INTU: variants seen among roughly 807,000 people sequenced by gnomAD.
INTU encodes protein inturned.
Under a neutral mutation model 100.5 loss-of-function variants are expected in INTU, and 68 were observed. The observed-to-expected ratio is 0.68, with a 90% CI of 0.56 to 0.83. The LOEUF (loss-of-function observed/expected upper bound fraction) is 0.83. Among genes scored for constraint, INTU ranks in the 40% least tolerant of loss-of-function variants. The pLI is 0.00. For synonymous variants in INTU, 357 were observed against 395.7 expected (o/e 0.90, Z 1.16); for missense variants, 1,071 against 1,114.7 (o/e 0.96, Z 0.56).
rs765708018 is a variant in INTU at position 127,663,601 on chromosome 4, G to A, written c.972+17G>A. On this transcript the variant is annotated intron_variant, in intron 4 of 15. Coordinates refer to ENST00000335251, the MANE Select transcript of INTU (RefSeq NM_015693.4). The stretch of plus-strand genomic sequence containing the variant: ...AAGGAAGAGGTGAGTGTCCTCAAAA[G>A]TCCAAAGGAAATAAGTTTAGTCAAA... 15 of 1,605,618 alleles carry A rather than the reference G, an allele frequency of 9.3e-6. No individual in the cohort carries two copies. The highest frequency in any genetic ancestry group is 9.4e-6 in the Non-Finnish European group (11 of 1,174,292).
Position 127,720,486 on chromosome 4 carries a change from T to C in INTU, c.*4050T>C, listed in dbSNP as rs972479469. Reference sequence around the variant, plus strand: ...TTGGGGGTGGAAAGATGTCTAGATATTTATCAGGTCCCACTTGATCCAGAG... The same window carrying C: ...TTGGGGGTGGAAAGATGTCTAGATACTTATCAGGTCCCACTTGATCCAGAG... On this transcript the variant is annotated 3_prime_UTR_variant, in exon 16 of 16. Transcript: ENST00000335251. 15 of 152,174 alleles carry C rather than the reference T, an allele frequency of 9.9e-5. No homozygotes were observed. The highest frequency in any genetic ancestry group is 9.8e-4 in the Admixed American group (15 of 15,280). The allele number at this position is 152,174 out of a possible 1,614,324, so 9.4% of individuals were successfully genotyped here. A position where few individuals can be genotyped will look rare whatever the true frequency, so the allele number is the denominator to read the frequency against.
rs1731321168 is a variant in INTU, at chr4:127,719,886, G to A, written c.*3450G>A. ...TTCTTCTCTCTTTTCTTCTTTATTAGTCTAGCTAATAGTCTATTTTGTTAA... is the reference window on the plus strand; with the variant it reads ...TTCTTCTCTCTTTTCTTCTTTATTAATCTAGCTAATAGTCTATTTTGTTAA... On this transcript the variant is annotated 3_prime_UTR_variant, in exon 16 of 16. Transcript: ENST00000335251. The A allele has an allele frequency of 2.0e-5, 3 of 150,828 alleles. No individual in the cohort carries two copies. Among genetic ancestry groups the A allele is most frequent in the African/African-American group, 7.3e-5 (3 of 40,942 alleles). The allele number at this position is 150,828 out of a possible 1,614,324, so 9.3% of individuals were successfully genotyped here.
rs761432234 is a variant in INTU, at chr4:127,714,075, T to C, written c.2699T>C (p.Met900Thr). Residue 900 changes from methionine to threonine, a missense_variant, in exon 15 of 16, where the codon ATG becomes ACG. Transcript: ENST00000335251. ...WTDQKKAPPV[M>T]AYWVVGRLFL... ...GATCAGAAAAAAGCACCACCAGTTA[T>C]GGCTTACTGGGTAGTAGGGTAAGTG... 72 of 1,613,074 alleles carry C rather than the reference T, an allele frequency of 4.5e-5. No individual in the cohort carries two copies. Among genetic ancestry groups the C allele is most frequent in the South Asian group, 5.5e-5 (5 of 90,886 alleles).
At chr4:127,674,097 C>A in intron 5 of INTU, 27 bp from the exon 6 acceptor site, 1 of 1,454,234 alleles carries the variant, frequency 6.9e-7, no homozygotes, top group Non-Finnish European at 9.6e-7. Flanking sequence ...GGTATTCTAA[C>A]CTTATTTTGA....
intron 11 of INTU, 126 bp downstream of exon 11, chr4:127,705,938 A>G: frequency 1.5e-6 from 1 of 670,364 alleles, no homozygotes; most frequent in Non-Finnish European, 2.6e-6. Context: ...ATACACAAAC[A>G]TGCTCATGTA....
intron 6 of INTU, among the ~76,000 whole-genome samples, chr4:127,682,936 C>T (rs1251538769): frequency 6.6e-6 from 1 of 152,030 alleles, no homozygotes; most frequent in Admixed American, 6.6e-5. Context: ...ATAAAGGTAG[C>T]ATAGGCAGTT....
At chr4:127,636,140 T>C (rs7664217) in intron 1 of INTU, among the ~76,000 whole-genome samples, 84,961 of 151,808 alleles carry the variant, frequency 0.56, 24,211 homozygotes, top group South Asian at 0.69. Flanking sequence ...CATGATGGTA[T>C]GTGCCTATAG....
chr4:127,707,249 G>T (rs751663878), intron 12 of INTU, among the ~76,000 whole-genome samples: 6 of 151,828 alleles, frequency 4.0e-5, no homozygotes, highest in Non-Finnish European at 7.4e-5. Flanking sequence ...AGGCACGTTG[G>T]TGCACACCTG....
intron 9 of INTU, among the ~76,000 whole-genome samples, chr4:127,702,911 T>C (rs1418333226): frequency 6.6e-6 from 1 of 152,122 alleles, no homozygotes; most frequent in Non-Finnish European, 1.5e-5. Flanking sequence ...CTAATGCTGC[T>C]CTGGTTGCTC....
intron 4 of INTU, among the ~76,000 whole-genome samples, chr4:127,663,975 T>C (rs543303803): frequency 8.5e-5 from 13 of 152,052 alleles, no homozygotes; most frequent in Non-Finnish European, 7.4e-5. Context: ...GACAAATATA[T>C]TACACTTTTA....
At chr4:127,654,214 C>G (rs955314223) in intron 2 of INTU, among the ~76,000 whole-genome samples, 17 of 151,774 alleles carry the variant, frequency 1.1e-4, no homozygotes, top group African/African-American at 3.2e-4. Context: ...AGCATTTAGT[C>G]CATTTACATT....
At chr4:127,655,658 G>A (rs1284523861) in intron 2 of INTU, among the ~76,000 whole-genome samples, 4 of 150,924 alleles carry the variant, frequency 2.7e-5, no homozygotes, top group African/African-American at 7.3e-5. Flanking sequence ...AGTCTGCAGA[G>A]GTTACTGCTG....
chr4:127,666,509 G>C (rs1439219040), intron 4 of INTU, among the ~76,000 whole-genome samples: 1 of 152,114 alleles, frequency 6.6e-6, no homozygotes, highest in African/African-American at 2.4e-5. Context: ...TCTAGGCTCA[G>C]CTCACCTACC....
chr4:127,664,101 A>G (rs939527689), intron 4 of INTU, among the ~76,000 whole-genome samples: 2 of 152,052 alleles, frequency 1.3e-5, no homozygotes, highest in African/African-American at 4.8e-5. Context: ...AGGGGGATGT[A>G]GCATTAACTT....
At chr4:127,697,949 C>T (rs780875016) in intron 8 of INTU, among the ~76,000 whole-genome samples, 1 of 151,970 alleles carries the variant, frequency 6.6e-6, no homozygotes, top group Non-Finnish European at 1.5e-5. Context: ...GGAGAAACCC[C>T]GTCTCTACTA....
At chr4:127,668,987 G>T (rs1474753380) in intron 4 of INTU, 49 bp from the exon 5 acceptor site, 3 of 837,674 alleles carry the variant, frequency 3.6e-6, no homozygotes. Flanking sequence ...CCCTGACAAA[G>T]ATAATGGTTG....
Position 127,710,895 on chromosome 4 carries a change from A to AT in INTU, c.2370-10dup, listed in dbSNP as rs748260141. On this transcript the variant is annotated splice_polypyrimidine_tract_variant and intron_variant, in intron 13 of 15. Transcript: ENST00000335251. ...TAAAATTTCTTTTTTCTTCTCTTTG[A>AT]TTTTTTTTCTTTTTAAGACTGACAT... is the stretch of plus-strand genomic sequence containing the variant. 66 of 1,406,754 alleles carry AT rather than the reference A, an allele frequency of 4.7e-5. No individual in the cohort carries two copies. Among genetic ancestry groups the AT allele is most frequent in the Admixed American group, 9.9e-5 (4 of 40,558 alleles). 87.1% of individuals were successfully genotyped at this position (1,406,754 alleles called of 1,614,324 possible). A position where few individuals can be genotyped will look rare whatever the true frequency, so the allele number is the denominator to read the frequency against.
Position 127,701,010 on chromosome 4 carries a change from A to G in INTU, c.1503+947A>G, listed in dbSNP as rs117823958. ...AATATCACCATTTTGCAGTCCCTCAATGAATTAATGGATCTAGGCAATGGT... is the reference window on the plus strand; with the variant it reads ...AATATCACCATTTTGCAGTCCCTCAGTGAATTAATGGATCTAGGCAATGGT... On this transcript the variant is annotated intron_variant, in intron 9 of 15. Coordinates refer to ENST00000335251, the MANE Select transcript of INTU (RefSeq NM_015693.4). 3.1e-4 allele frequency among the ~76,000 whole-genome samples: 47 copies of G among 152,316 alleles called. No homozygotes were observed. In the East Asian group the frequency reaches 8.1e-3, roughly 26 times the overall value.
intron 2 of INTU, among the ~76,000 whole-genome samples, chr4:127,651,352 G>C (rs1727864541): frequency 6.6e-6 from 1 of 152,204 alleles, no homozygotes; most frequent in Non-Finnish European, 1.5e-5. Flanking sequence ...ATGGTTTTAG[G>C]TCTAAGGTTT....
Sources: gnomAD v4.1 joint callset for allele counts (sites outside exome capture counted in the v4.1 genomes callset) on GRCh38, gnomAD v4.1.1 for gene constraint, MANE v1.5 for transcripts, NCBI Gene and HGNC (gene_info 2026-07-23, HGNC 2026-07-21) for gene names.